The following SPIRE1 variants were observed in gnomAD, a reference collection of about 807,000 sequenced individuals.
SPIRE1 encodes protein spire homolog 1.
In SPIRE1, 40 loss-of-function variants were observed where a neutral mutation model predicts 94.1. The ratio of observed to expected loss-of-function variants is 0.43; its 90% confidence interval spans 0.33 to 0.55. The LOEUF (loss-of-function observed/expected upper bound fraction) is 0.55, where lower values mean the gene tolerates loss of function less well. Ranked by LOEUF, SPIRE1 falls within the 20% of genes least tolerant of loss-of-function variation. SPIRE1 has a pLI of 0.06. For missense variants in SPIRE1, 838 were observed against 975.2 expected, an observed-to-expected ratio of 0.86 and a Z score of 1.87; for synonymous variants, 376 against 371.7, an observed-to-expected ratio of 1.01 and a Z score of -0.13.
chr18:12,521,407 C>A (rs1281264202), intron 4 of SPIRE1, among the ~76,000 whole-genome samples: 2 of 151,562 alleles, frequency 1.3e-5, no homozygotes, highest in African/African-American at 4.8e-5. Context: ...GATCTCAGCT[C>A]ACTGCAACCT....
At chr18:12,495,828 C>T (rs1337510556) in intron 7 of SPIRE1, among the ~76,000 whole-genome samples, 188 bp downstream of exon 7, 3 of 152,128 alleles carry the variant, frequency 2.0e-5, no homozygotes, top group Non-Finnish European at 4.4e-5. Flanking sequence ...GGGGTCACTC[C>T]AGCCTGGGTG....
intron 2 of SPIRE1, among the ~76,000 whole-genome samples, chr18:12,569,610 G>A (rs575670052): frequency 2.8e-5 from 4 of 144,112 alleles, no homozygotes; most frequent in East Asian, 2.0e-4. Flanking sequence ...TGGCCAAAAC[G>A]TAGAAATGTT....
chr18:12,462,001 A>C (rs768019828), intron 12 of SPIRE1, among the ~76,000 whole-genome samples: 1 of 152,220 alleles, frequency 6.6e-6, no homozygotes, highest in Non-Finnish European at 1.5e-5. Flanking sequence ...TATTCACATG[A>C]AAACAAATTT....
chr18:12,563,278 G>A lies in SPIRE1; in HGVS notation c.373-16374C>T, dbSNP rs75905145. ...ATTTATATAAGAAAGTATTATCTAT[G>A]AGCATCAAAATAATACAAATTTCAT... On this transcript the variant is annotated intron_variant, in intron 2 of 16. Transcript: ENST00000409402. Among the ~76,000 whole-genome samples, 1,343 of 151,208 alleles carry A rather than the reference G, an allele frequency of 8.9e-3. 26 individuals are homozygous for A. Among genetic ancestry groups the A allele is most frequent in the African/African-American group, 0.031 (1,296 of 41,228 alleles).
At chr18:12,550,604 C>G (rs1239179614) in intron 2 of SPIRE1, among the ~76,000 whole-genome samples, 1 of 152,164 alleles carries the variant, frequency 6.6e-6, no homozygotes, top group African/African-American at 2.4e-5. Flanking sequence ...TCGAGCAATC[C>G]TCCTGCCTTG....
chr18:12,626,890 T>A (rs76720450), intron 2 of SPIRE1, among the ~76,000 whole-genome samples: 21,680 of 104,038 alleles, frequency 0.21, 1,801 homozygotes, highest in East Asian at 0.28. Context: ...ATATATATTT[T>A]TTTTTTTTTT....
At chr18:12,623,462 T>TCTACAAATG (rs1245557381) in intron 2 of SPIRE1, among the ~76,000 whole-genome samples, 1 of 152,066 alleles carries the variant, frequency 6.6e-6, no homozygotes, top group East Asian at 1.9e-4. Context: ...CAACATCATT[T>TCTACAAATG]CTACAAATGC....
chr18:12,507,698 C>CA (rs1259395833), intron 5 of SPIRE1, among the ~76,000 whole-genome samples: 1 of 149,072 alleles, frequency 6.7e-6, no homozygotes, highest in African/African-American at 2.5e-5. Flanking sequence ...GACTCTGTCT[C>CA]AAAAAATAAA....
At chr18:12,509,958 A>G (rs1227720015) in intron 5 of SPIRE1, among the ~76,000 whole-genome samples, 2 of 151,830 alleles carry the variant, frequency 1.3e-5, no homozygotes, top group African/African-American at 2.4e-5. Flanking sequence ...GGTGGTGCGC[A>G]CCTGTAATCC....
At chr18:12,517,976 T>TTA (rs1157373279) in intron 4 of SPIRE1, among the ~76,000 whole-genome samples, 1 of 152,200 alleles carries the variant, frequency 6.6e-6, no homozygotes, top group Non-Finnish European at 1.5e-5. Flanking sequence ...TTTAAATGCA[T>TTA]TATAATAAGG....
intron 1 of SPIRE1, among the ~76,000 whole-genome samples, chr18:12,642,720 C>T (rs893269171): frequency 6.6e-6 from 1 of 152,060 alleles, no homozygotes; most frequent in Non-Finnish European, 1.5e-5. Context: ...ACAATGAGAA[C>T]ACATGGACAC....
intron 2 of SPIRE1, among the ~76,000 whole-genome samples, chr18:12,629,819 A>G (rs1339360001): frequency 6.6e-6 from 1 of 152,206 alleles, no homozygotes; most frequent in Non-Finnish European, 1.5e-5. Flanking sequence ...CTATTAAAGT[A>G]AAAAAATTTG....
intron 4 of SPIRE1, among the ~76,000 whole-genome samples, chr18:12,528,479 G>A (rs1281646086): frequency 6.6e-6 from 1 of 152,162 alleles, no homozygotes; most frequent in African/African-American, 2.4e-5. Flanking sequence ...TAGCGAAGAG[G>A]GGAAAGGGAC....
chr18:12,556,287 T>C (rs1325630532), intron 2 of SPIRE1, among the ~76,000 whole-genome samples: 2 of 151,962 alleles, frequency 1.3e-5, no homozygotes, highest in African/African-American at 4.8e-5. Flanking sequence ...ATGACATTCT[T>C]CATAGAAATA....
chr18:12,553,130 G>A (rs1207671512), intron 2 of SPIRE1, among the ~76,000 whole-genome samples: 1 of 152,156 alleles, frequency 6.6e-6, no homozygotes, highest in East Asian at 1.9e-4. Context: ...GGCTTCAGGT[G>A]AGACCCAGCC....
At chr18:12,524,463 C>T (rs911860773) in intron 4 of SPIRE1, among the ~76,000 whole-genome samples, 1 of 152,132 alleles carries the variant, frequency 6.6e-6, no homozygotes, top group African/African-American at 2.4e-5. Context: ...AACAGCATAG[C>T]TATTTATACT....
intron 2 of SPIRE1, among the ~76,000 whole-genome samples, chr18:12,549,439 G>GGTT (rs2035275774): frequency 2.4e-4 from 10 of 41,248 alleles, no homozygotes; most frequent in Non-Finnish European, 3.1e-4. Flanking sequence ...TGTTATTGTT[G>GGTT]TTTTTTTTTT....
At chr18:12,529,473 C>CA (rs1054200829) in intron 4 of SPIRE1, among the ~76,000 whole-genome samples, 16 of 151,824 alleles carry the variant, frequency 1.1e-4, no homozygotes, top group Non-Finnish European at 1.5e-5. Flanking sequence ...GTGAAAAAAT[C>CA]ATACTTGAAA....
chr18:12,465,125 C>T (rs1010235828), intron 10 of SPIRE1, among the ~76,000 whole-genome samples, 167 bp from the exon 11 acceptor site: 1 of 152,070 alleles, frequency 6.6e-6, no homozygotes, highest in East Asian at 1.9e-4. Flanking sequence ...CAAGACAGGT[C>T]TGGGTTTGTG....
Sources: gnomAD v4.1 joint callset for allele counts (sites outside exome capture counted in the v4.1 genomes callset) on GRCh38, gnomAD v4.1.1 for gene constraint, MANE v1.5 for transcripts, NCBI Gene and HGNC (gene_info 2026-07-23, HGNC 2026-07-21) for gene names.